Variants in MAP7 observed in about 807,000 individuals in gnomAD.
The protein encoded by MAP7 is microtubule associated protein 7.
MAP7 carries 52 observed loss-of-function variants against 94.8 expected under a neutral mutation model. That is an observed-to-expected ratio of 0.55 (90% confidence interval 0.44 to 0.69). The LOEUF is 0.69. MAP7 is among the 30% of genes least tolerant of loss of function. The pLI, the probability that MAP7 is intolerant of heterozygous loss-of-function variation, is 0.00. For synonymous variants in MAP7, 350 were observed against 357.0 expected (o/e 0.98, Z 0.22); for missense variants, 940 against 964.6 (o/e 0.97, Z 0.34).
chr6:136,476,651 T>C (rs982337979), intron 1 of MAP7, among the ~76,000 whole-genome samples: 2 of 152,136 alleles, frequency 1.3e-5, no homozygotes, highest in African/African-American at 4.8e-5. Flanking sequence ...AACATACAAT[T>C]CATAATCTAT....
intron 1 of MAP7, among the ~76,000 whole-genome samples, chr6:136,512,364 T>G (rs184619937): frequency 1.3e-5 from 2 of 152,374 alleles, no homozygotes; most frequent in East Asian, 3.9e-4. Context: ...AAAAGAGAAC[T>G]GTTTCAGTGG....
chr6:136,379,907 A>T (rs1465438081), intron 6 of MAP7, among the ~76,000 whole-genome samples: 1 of 152,228 alleles, frequency 6.6e-6, no homozygotes, highest in East Asian at 1.9e-4. Flanking sequence ...CTTCCACCAC[A>T]TTCATAACTA....
intron 1 of MAP7, among the ~76,000 whole-genome samples, chr6:136,483,318 T>A (rs1035020753): frequency 6.6e-6 from 1 of 151,590 alleles, no homozygotes; most frequent in Non-Finnish European, 1.5e-5. Context: ...TGAGTACACA[T>A]GGACACCAAG....
chr6:136,458,022 G>GT (rs1419328700), intron 1 of MAP7, among the ~76,000 whole-genome samples: 3 of 151,996 alleles, frequency 2.0e-5, no homozygotes, highest in African/African-American at 7.2e-5. Flanking sequence ...GATCTTATTT[G>GT]TAAAAAAAAC....
At chr6:136,364,220 C>A in intron 10 of MAP7, 1 of 540,180 alleles carries the variant, frequency 1.9e-6, no homozygotes, top group South Asian at 1.4e-5. Context: ...AGGATAAGAT[C>A]AATGCCCTCA....
At chr6:136,356,659 G>A in intron 16 of MAP7, 33 bp downstream of exon 16, 1 of 1,537,438 alleles carries the variant, frequency 6.5e-7, no homozygotes, top group South Asian at 1.1e-5. Context: ...AAACAGTAAT[G>A]TTTTACTTTA....
chr6:136,360,488 T>C (rs1329503758), intron 13 of MAP7, among the ~76,000 whole-genome samples: 1 of 152,212 alleles, frequency 6.6e-6, no homozygotes, highest in Non-Finnish European at 1.5e-5. Context: ...AAGTTGGAAC[T>C]GCCTTAAGCT....
chr6:136,414,240 G>A (rs1484924764), intron 2 of MAP7, among the ~76,000 whole-genome samples: 5 of 23,308 alleles, frequency 2.1e-4, no homozygotes, highest in Non-Finnish European at 6.3e-4. Context: ...GCGACAGAGC[G>A]AGACTCCGTC....
intron 1 of MAP7, among the ~76,000 whole-genome samples, chr6:136,503,319 A>G (rs1820353186): frequency 6.6e-6 from 1 of 151,954 alleles, no homozygotes; most frequent in South Asian, 2.1e-4. Context: ...AAGCAAGAAG[A>G]AGAGAAAACC....
intron 2 of MAP7, chr6:136,420,032 G>A: frequency 1.2e-6 from 1 of 839,866 alleles, no homozygotes. Context: ...ACTTGATGCT[G>A]ATAAACTTCC....
intron 1 of MAP7, among the ~76,000 whole-genome samples, chr6:136,430,887 T>G (rs189437000): frequency 6.6e-6 from 1 of 152,314 alleles, no homozygotes; most frequent in African/African-American, 2.4e-5. Flanking sequence ...GAGTTTCATA[T>G]GCTGTTGCAG....
chr6:136,372,166 G>C (rs1441558202), intron 8 of MAP7, among the ~76,000 whole-genome samples: 2 of 152,132 alleles, frequency 1.3e-5, no homozygotes, highest in Non-Finnish European at 2.9e-5. Context: ...AAGGCCATTT[G>C]GTTTTCCTAC....
intron 1 of MAP7, among the ~76,000 whole-genome samples, chr6:136,436,650 G>A: frequency 6.6e-6 from 1 of 152,144 alleles, no homozygotes; most frequent in East Asian, 1.9e-4. Context: ...AAAGCACTGC[G>A]ATTACAGGTG....
chr6:136,360,716 T>C lies in MAP7; in HGVS notation c.1784A>G (p.Glu595Gly). 7.4e-6 allele frequency: 12 copies of C among 1,614,170 alleles called. No individual in the cohort carries two copies. Among genetic ancestry groups the C allele is most frequent in the Non-Finnish European group, 9.3e-6 (11 of 1,180,034 alleles). ...REKHFQREEQ[E>G]RLERKKRLEE... is the part of the protein sequence containing the mutation. ...AGCTACCTTCTTTCTCTCCAGGCGC[T>C]CTTGCTCTTCTCTCTGGAAATGCTT... Residue 595 changes from glutamate (E) to glycine (G), a missense_variant, in exon 13 of 18, where the codon GAG becomes GGG. Coordinates refer to ENST00000354570, the MANE Select transcript of MAP7 (RefSeq NM_003980.6).
intron 1 of MAP7, among the ~76,000 whole-genome samples, chr6:136,486,286 T>G (rs925166848): frequency 2.0e-5 from 3 of 152,178 alleles, no homozygotes; most frequent in Non-Finnish European, 4.4e-5. Flanking sequence ...GGCAAAATCA[T>G]GAACACCAGA....
In MAP7 at chr6:136,345,919, C is replaced by T. The variant is rs188430992; in HGVS notation, c.2176G>A (p.Asp726Asn). The change falls in exon 17 of 18, where the codon GAT (aspartate) becomes AAT (asparagine). Residue 726 changes from aspartate to asparagine, a missense_variant. Transcript: ENST00000354570. ...EIPLNPILAF[D>N]DEGTLGPLPQ... ...AGGGGCCCAAGTGTCCCTTCATCAT[C>T]AAAGGCCAAAATTGGATTCAAAGGA... is the stretch of plus-strand genomic sequence containing the variant. 3.3e-5 allele frequency: 54 copies of T among 1,614,138 alleles called. No homozygotes were observed. In the East Asian group the frequency reaches 1.2e-3, roughly 36 times the overall value.
At chr6:136,529,282 T>TA (rs1313119753) in intron 1 of MAP7, among the ~76,000 whole-genome samples, 1 of 74,228 alleles carries the variant, frequency 1.3e-5, no homozygotes, top group Non-Finnish European at 2.1e-5. Flanking sequence ...ACCCAGCTAA[T>TA]TTTTTTTTTG....
At chr6:136,541,262 G>A (rs1829292001) in intron 1 of MAP7, among the ~76,000 whole-genome samples, 1 of 152,274 alleles carries the variant, frequency 6.6e-6, no homozygotes, top group Admixed American at 6.5e-5. Context: ...GCTTCATGAT[G>A]AGGGGTGGAG....
chr6:136,448,340 A>G (rs1382719897), intron 1 of MAP7, among the ~76,000 whole-genome samples: 2 of 152,136 alleles, frequency 1.3e-5, no homozygotes, highest in Non-Finnish European at 2.9e-5. Flanking sequence ...CAACACGATT[A>G]TTAAACAAAC....
Sources: gnomAD v4.1 joint callset for allele counts (sites outside exome capture counted in the v4.1 genomes callset) on GRCh38, gnomAD v4.1.1 for gene constraint, MANE v1.5 for transcripts, NCBI Gene and HGNC (gene_info 2026-07-23, HGNC 2026-07-21) for gene names.